IL18BP: variants seen among roughly 807,000 people sequenced by gnomAD.
IL18BP encodes the protein interleukin 18 binding protein.
IL18BP carries 23 observed loss-of-function variants against 19.9 expected under a neutral mutation model. That is an observed-to-expected ratio of 1.15 (90% CI 0.83 to 1.64). IL18BP has a LOEUF of 1.64. Ranked by LOEUF, IL18BP falls within the 40% of genes most tolerant of loss-of-function variation. The pLI is 0.00. For synonymous variants in IL18BP, 107 were observed against 101.0 expected, an observed-to-expected ratio of 1.06 and a Z score of -0.35; for missense variants, 239 against 240.7, an observed-to-expected ratio of 0.99 and a Z score of 0.05.
chr11:71,999,910 C>G lies in IL18BP; in HGVS notation c.-58-17C>G. The stretch of plus-strand genomic sequence containing the variant: ...AGCGGGAGTGGTTTACCATTCTCCT[C>G]CCCCACCTTTCACCAGAGAAGAGGA... On this transcript the variant is annotated splice_polypyrimidine_tract_variant and intron_variant, in intron 1 of 5. Transcript: ENST00000393703. 6.6e-7 allele frequency: 1 copy of G among 1,518,822 alleles called. No homozygotes were observed. The allele number at this position is 1,518,822 out of a possible 1,614,324, so 94.1% of individuals were successfully genotyped here. A position where few individuals can be genotyped will look rare whatever the true frequency, so the allele number is the denominator to read the frequency against.
chr11:72,004,371 G>GT (rs1955523451), downstream of IL18BP: 1 of 1,581,516 alleles, frequency 6.3e-7, no homozygotes, highest in Admixed American at 1.7e-5. Flanking sequence ...TAGGCAGACA[G>GT]TAGCAAGAGG....
At chr11:72,007,434 T>G (rs1208965326), downstream of IL18BP, 1 of 1,613,242 alleles carries the variant, frequency 6.2e-7, no homozygotes, top group Admixed American at 1.7e-5. Flanking sequence ...CGAGGCAGCT[T>G]GCTATGGAAA....
At chr11:72,004,365 C>T (rs781467143), downstream of IL18BP, 85 of 1,593,600 alleles carry the variant, frequency 5.3e-5, no homozygotes, top group Non-Finnish European at 5.3e-5. Flanking sequence ...GACAGTTAGG[C>T]AGACAGTAGC....
At chr11:71,999,745 C>T (rs1955109783) in intron 1 of IL18BP, 182 bp from the exon 2 acceptor site, 1 of 552,750 alleles carries the variant, frequency 1.8e-6, no homozygotes. Flanking sequence ...CATCTTACAA[C>T]CATTTGTGGT....
At chr11:72,003,504 G>A (rs1489912224), downstream of IL18BP, 4 of 1,612,968 alleles carry the variant, frequency 2.5e-6, no homozygotes, top group South Asian at 1.1e-5. Flanking sequence ...ACACAGGTGG[G>A]GCCACTCACT....
rs757344159 is a variant in IL18BP at position 72,001,335 on chromosome 11, C to T, written c.359+11C>T. The T allele has an allele frequency of 7.4e-6, 12 of 1,614,234 alleles. No individual in the cohort carries two copies. The East Asian group carries it at 2.7e-4, about 36-fold the overall frequency. ...GGAGGGGAGCACCAGGTGAGGGTCGCAGCAGCCAGGTGGGTGGGAAGGAGG... is the reference window on the plus strand; with the variant it reads ...GGAGGGGAGCACCAGGTGAGGGTCGTAGCAGCCAGGTGGGTGGGAAGGAGG... On this transcript the variant is annotated intron_variant, in intron 4 of 5. Coordinates refer to ENST00000393703, the MANE Select transcript of IL18BP (RefSeq NM_001039660.2).
chr11:72,003,582 C>T, downstream of IL18BP: 4 of 1,613,406 alleles, frequency 2.5e-6, no homozygotes, highest in Non-Finnish European at 3.4e-6. Context: ...ACTTGCGATA[C>T]TAGCCTGCAC....
At chr11:72,007,358 G>C (rs780948667), downstream of IL18BP, 9 of 1,613,632 alleles carry the variant, frequency 5.6e-6, no homozygotes, top group Non-Finnish European at 6.8e-6. Flanking sequence ...TTCTACCTTG[G>C]GGGGCAGGCG....
At chr11:72,003,146 AG>A, downstream of IL18BP, 1 of 289,538 alleles carries the variant, frequency 3.5e-6, no homozygotes. Context: ...CCAGGACAGC[AG>A]GAACCAGGGC....
chr11:72,003,852 C>G, downstream of IL18BP: 1 of 1,605,628 alleles, frequency 6.2e-7, no homozygotes, highest in Non-Finnish European at 8.5e-7. Flanking sequence ...ATGCTCTCAT[C>G]GGGTTTCCCT....
Position 72,001,870 on chromosome 11 carries a change from A to C in IL18BP, c.*9A>C. The C allele has an allele frequency of 6.2e-7, 1 of 1,614,100 alleles. No individual in the cohort carries two copies. The highest frequency in any genetic ancestry group is 8.5e-7 in the Non-Finnish European group (1 of 1,179,986). ...CACAGCAGCAGGGTTAAGACTCAGC[A>C]CAGGGCCAGCAGCAGCACAACCTTG... On this transcript the variant is annotated 3_prime_UTR_variant, in exon 6 of 6. Coordinates refer to ENST00000393703, the MANE Select transcript of IL18BP (RefSeq NM_001039660.2).
chr11:72,007,454 C>A, downstream of IL18BP: 1 of 1,612,154 alleles, frequency 6.2e-7, no homozygotes, highest in Non-Finnish European at 8.5e-7. Context: ...AGGAAACCTG[C>A]TGAGGTACAG....
chr11:72,005,489 G>T, downstream of IL18BP: 1 of 883,720 alleles, frequency 1.1e-6, no homozygotes, highest in Non-Finnish European at 1.8e-6. Context: ...CAGCACACCA[G>T]TCTGATTCAG....
rs1424363433 is a variant in IL18BP at position 72,001,325 on chromosome 11, G to T, written c.359+1G>T. On this transcript the variant is annotated splice_donor_variant, in intron 4 of 5. Transcript: ENST00000393703. LOFTEE classifies it high-confidence loss of function. ...GCCGACTGTGGGAGGGGAGCACCAGGTGAGGGTCGCAGCAGCCAGGTGGGT... is the reference window on the plus strand; with the variant it reads ...GCCGACTGTGGGAGGGGAGCACCAGTTGAGGGTCGCAGCAGCCAGGTGGGT... The T allele has an allele frequency of 1.9e-6, 3 of 1,614,260 alleles. No homozygotes were observed. The highest frequency in any genetic ancestry group is 2.5e-6 in the Non-Finnish European group (3 of 1,180,048).
rs1210589415 is a variant in IL18BP, at chr11:72,001,913, A to C, written c.*52A>C. 1.2e-6 allele frequency: 2 copies of C among 1,610,058 alleles called. No homozygotes were observed. Among genetic ancestry groups the C allele is most frequent in the Non-Finnish European group, 1.7e-6 (2 of 1,178,104 alleles). On this transcript the variant is annotated 3_prime_UTR_variant, in exon 6 of 6. Transcript: ENST00000393703. ...CAACCTTGACCAGAGCTTGGGTCCTACCTGTCTACCTGGAGTGAACAGTCC... is the reference window on the plus strand; with the variant it reads ...CAACCTTGACCAGAGCTTGGGTCCTCCCTGTCTACCTGGAGTGAACAGTCC...
chr11:72,004,380 G>T, downstream of IL18BP: 1 of 1,567,768 alleles, frequency 6.4e-7, no homozygotes. Context: ...AGTAGCAAGA[G>T]GAGTCACATC....
downstream of IL18BP, chr11:72,004,098 G>A: frequency 6.2e-7 from 1 of 1,613,238 alleles, no homozygotes; most frequent in Non-Finnish European, 8.5e-7. Flanking sequence ...GCGCCGGTCA[G>A]CCTGCAAGGA....
rs761605330 is a variant in IL18BP at position 72,001,226 on chromosome 11, G to A, written c.261G>A (p.Val87=). The change falls in exon 4 of 6, where the codon GTG becomes GTA. Residue 87 remains valine (V), a synonymous_variant. Coordinates refer to ENST00000393703, the MANE Select transcript of IL18BP (RefSeq NM_001039660.2). The part of the protein sequence containing the change: ...PLNGTLSLSC[V]ACSRFPNFSI... ...ATGGAACGCTGAGCTTATCCTGTGT[G>A]GCCTGCAGCCGCTTCCCCAACTTCA... 8 of 1,614,072 alleles carry A rather than the reference G, an allele frequency of 5.0e-6. No homozygotes were observed. The highest frequency in any genetic ancestry group is 6.8e-6 in the Non-Finnish European group (8 of 1,180,044).
chr11:72,004,042 T>A (rs1955481244), downstream of IL18BP: 1 of 1,613,586 alleles, frequency 6.2e-7, no homozygotes, highest in Admixed American at 1.7e-5. Context: ...AGAAGGCTGT[T>A]CCCTAGCTTC....
Sources: allele counts gnomAD v4.1 joint callset, GRCh38; gene constraint gnomAD v4.1.1; transcripts MANE v1.5; gene names NCBI Gene and HGNC (gene_info 2026-07-23, HGNC 2026-07-21).